Variants in SNX29 observed in about 807,000 individuals in gnomAD.
The protein encoded by SNX29 is sorting nexin-29.
In SNX29, 78 loss-of-function variants were observed where a neutral mutation model predicts 102.1. The ratio of observed to expected loss-of-function variants is 0.76; its 90% CI spans 0.64 to 0.92. SNX29 has a LOEUF of 0.92. Among genes scored for constraint, SNX29 ranks in the 40% least tolerant of loss-of-function variants. The probability of loss-of-function intolerance (pLI) is 0.00; values close to 1 mark genes in which losing one functional copy is unlikely to be tolerated. For missense variants in SNX29, 1,280 were observed against 1,061.7 expected (o/e 1.21, Z -2.86); for synonymous variants, 580 against 414.5 (o/e 1.40, Z -4.85).
chr16:12,181,102 C>T (rs867894714), intron 13 of SNX29, among the ~76,000 whole-genome samples: 2 of 152,200 alleles, frequency 1.3e-5, no homozygotes, highest in Admixed American at 6.5e-5. Flanking sequence ...GATCTCCTTG[C>T]GCTCACCTGC....
At chr16:12,438,128 T>TGGGGAGGTGAGGGGGCAGGAGTA in intron 18 of SNX29, among the ~76,000 whole-genome samples, 1 of 151,044 alleles carries the variant, frequency 6.6e-6, no homozygotes. Flanking sequence ...TGGGCAGGAG[T>TGGGGAGGTGAGGGGGCAGGAGTA]GGGGAGGTGA....
chr16:12,550,788 TAAGGAA>T (rs1232061254), intron 20 of SNX29, among the ~76,000 whole-genome samples: 1 of 151,912 alleles, frequency 6.6e-6, no homozygotes, highest in Non-Finnish European at 1.5e-5. Flanking sequence ...ATAGCTGAGA[TAAGGAA>T]GAGGGAGCCA....
chr16:12,475,903 C>T (rs930363711), intron 18 of SNX29, among the ~76,000 whole-genome samples: 4 of 152,176 alleles, frequency 2.6e-5, no homozygotes, highest in African/African-American at 9.7e-5. Flanking sequence ...ATAGTTTGCC[C>T]ACCCCGATCT....
At chr16:12,421,777 TATC>T (rs1272436599) in intron 18 of SNX29, among the ~76,000 whole-genome samples, 5 of 151,882 alleles carry the variant, frequency 3.3e-5, no homozygotes, top group African/African-American at 1.2e-4. Context: ...CATTACCAGT[TATC>T]ATCATCATCA....
At chr16:12,390,690 C>G (rs775199209) in intron 16 of SNX29, among the ~76,000 whole-genome samples, 77 of 152,174 alleles carry the variant, frequency 5.1e-4, no homozygotes, top group Non-Finnish European at 1.0e-3. Context: ...GAATGTTTCT[C>G]TGCCAGGTGC....
chr16:12,399,999 C>T (rs977044450), intron 17 of SNX29, among the ~76,000 whole-genome samples: 4 of 152,166 alleles, frequency 2.6e-5, no homozygotes, highest in Non-Finnish European at 5.9e-5. Context: ...CTGCTGCAGG[C>T]TGGTGTCCGG....
intron 15 of SNX29, among the ~76,000 whole-genome samples, chr16:12,319,206 A>G (rs1190101770): frequency 6.6e-6 from 1 of 152,204 alleles, no homozygotes; most frequent in African/African-American, 2.4e-5. Flanking sequence ...CCACTCAGTC[A>G]GTGCTGACAC....
intron 20 of SNX29, among the ~76,000 whole-genome samples, chr16:12,541,648 C>G (rs892546867): frequency 6.6e-6 from 1 of 152,158 alleles, no homozygotes; most frequent in Non-Finnish European, 1.5e-5. Context: ...TTCGTTCAGC[C>G]AGCTCCTAAT....
intron 18 of SNX29, among the ~76,000 whole-genome samples, chr16:12,433,836 A>G (rs1364343456): frequency 6.6e-6 from 1 of 152,110 alleles, no homozygotes; most frequent in Non-Finnish European, 1.5e-5. Flanking sequence ...AACAAAACAA[A>G]AACCCAGAAA....
intron 14 of SNX29, among the ~76,000 whole-genome samples, chr16:12,259,674 T>TA (rs2142471548): frequency 6.6e-6 from 1 of 152,306 alleles, no homozygotes; most frequent in Non-Finnish European, 1.5e-5. Flanking sequence ...GTCTTCAAAC[T>TA]GTAAGGTACA....
chr16:12,265,445 C>A (rs79992595), intron 14 of SNX29, among the ~76,000 whole-genome samples: 1,567 of 152,176 alleles, frequency 0.01, 14 homozygotes, highest in Middle Eastern at 0.031. Context: ...GGAAGCGAGA[C>A]GCAGCTTCGA....
At chr16:12,402,486 C>G (rs910549406) in intron 17 of SNX29, among the ~76,000 whole-genome samples, 2 of 152,226 alleles carry the variant, frequency 1.3e-5, no homozygotes, top group Non-Finnish European at 2.9e-5. Flanking sequence ...ACAGCCCTTC[C>G]AGAATGGTGC....
At chr16:12,499,087 G>GC (rs2151887391) in intron 19 of SNX29, among the ~76,000 whole-genome samples, 1 of 152,124 alleles carries the variant, frequency 6.6e-6, no homozygotes, top group African/African-American at 2.4e-5. Flanking sequence ...TTCCCCTTAT[G>GC]CCCTCCGCTC....
chr16:12,542,884 C>A (rs533151564), intron 20 of SNX29, among the ~76,000 whole-genome samples: 1 of 151,916 alleles, frequency 6.6e-6, no homozygotes, highest in African/African-American at 2.4e-5. Flanking sequence ...TCTAGAGGTC[C>A]CAGAAACATG....
chr16:12,532,456 T>C (rs2141181860), intron 20 of SNX29, among the ~76,000 whole-genome samples: 1 of 152,308 alleles, frequency 6.6e-6, no homozygotes, highest in East Asian at 1.9e-4. Context: ...CTCAATATTA[T>C]TAAGCAAACA....
chr16:12,298,828 T>G (rs895447779), intron 15 of SNX29, among the ~76,000 whole-genome samples: 1 of 152,130 alleles, frequency 6.6e-6, no homozygotes, highest in Non-Finnish European at 1.5e-5. Context: ...CTTTCACATG[T>G]GGCGTGATTC....
At chr16:12,435,934 C>T (rs901509764) in intron 18 of SNX29, among the ~76,000 whole-genome samples, 7 of 152,166 alleles carry the variant, frequency 4.6e-5, no homozygotes, top group South Asian at 2.1e-4. Context: ...GTGGGAACAG[C>T]GACGCCACAC....
Position 12,261,062 on chromosome 16 carries a change from G to T in SNX29, c.1679-16871G>T, listed in dbSNP as rs765379512. Among the ~76,000 whole-genome samples, 34 of 148,160 alleles carry T rather than the reference G, an allele frequency of 2.3e-4. 1 individual carries two copies. Among genetic ancestry groups the T allele is most frequent in the Admixed American group, 4.0e-4 (6 of 14,838 alleles). ...GAGTGTGTGCTGAGCTGGGGTCTGC[G>T]CATGAGTCCCTGGCTGGAGTGAGTG... On this transcript the variant is annotated intron_variant, in intron 14 of 20. Coordinates refer to ENST00000566228, the MANE Select transcript of SNX29 (RefSeq NM_032167.5).
Position 12,481,554 on chromosome 16 carries a change from A to ACCCCC in SNX29, c.2178+3699_2178+3700insCCCCC, listed in dbSNP as rs535949606. On this transcript the variant is annotated intron_variant, in intron 19 of 20. Transcript: ENST00000566228. ...CACACACACACACACACACACACAC[A>ACCCCC]CCCCAAATGTCACCCTGTCGCCCAG... Among the ~76,000 whole-genome samples, 7 of 117,758 alleles carry ACCCCC rather than the reference A, an allele frequency of 5.9e-5. No homozygotes were observed. The East Asian group carries it at 1.1e-3, about 19-fold the overall frequency. The allele number at this position is 117,758 out of a possible 152,430, so 77.3% of individuals were successfully genotyped here. A position where few individuals can be genotyped will look rare whatever the true frequency, so the allele number is the denominator to read the frequency against.
Sources: allele counts gnomAD v4.1 joint callset (sites outside exome capture counted in the v4.1 genomes callset), GRCh38; gene constraint gnomAD v4.1.1; transcripts MANE v1.5; gene names NCBI Gene and HGNC (gene_info 2026-07-23, HGNC 2026-07-21).